DAB1: variants seen among roughly 807,000 people sequenced by gnomAD.
The protein encoded by DAB1 is DAB adaptor protein 1, also known as disabled homolog 1.
A neutral mutation model predicts 64.6 loss-of-function variants in DAB1; 15 were observed. That is an observed-to-expected ratio of 0.23 (90% confidence interval 0.16 to 0.36). The LOEUF (loss-of-function observed/expected upper bound fraction) is 0.36, where lower values mean the gene tolerates loss of function less well. DAB1 is among the 10% of genes least tolerant of loss of function. The pLI, the probability that DAB1 is intolerant of heterozygous loss-of-function variation, is 1.00. For missense variants in DAB1, 596 were observed against 706.7 expected (o/e 0.84, Z 1.78); for synonymous variants, 235 against 251.9 (o/e 0.93, Z 0.64).
At chr1:57,186,130 C>T (rs1663533407) in intron 2 of DAB1, among the ~76,000 whole-genome samples, 1 of 152,132 alleles carries the variant, frequency 6.6e-6, no homozygotes. Flanking sequence ...ATTACGTGTT[C>T]TATGTAAGTT....
intron 6 of DAB1, among the ~76,000 whole-genome samples, chr1:57,730,425 GA>G (rs1275644299): frequency 1.3e-5 from 2 of 152,224 alleles, no homozygotes; most frequent in Non-Finnish European, 2.9e-5. Context: ...TAGAAGGAGA[GA>G]ATCAGAAGAT....
intron 3 of DAB1, among the ~76,000 whole-genome samples, chr1:58,392,402 C>T (rs750426672): frequency 1.3e-5 from 2 of 152,158 alleles, no homozygotes; most frequent in East Asian, 1.9e-4. Flanking sequence ...AGCGGGTTGA[C>T]GTAGTATAAA....
chr1:57,355,729 T>C (rs1046713168), intron 1 of DAB1, among the ~76,000 whole-genome samples: 9 of 152,064 alleles, frequency 5.9e-5, no homozygotes, highest in East Asian at 1.9e-4. Context: ...GTATACTTTA[T>C]TGGGAGTCAT....
At chr1:57,801,837 T>G (rs888182422) in intron 6 of DAB1, among the ~76,000 whole-genome samples, 2 of 152,166 alleles carry the variant, frequency 1.3e-5, no homozygotes, top group East Asian at 3.9e-4. Flanking sequence ...TTTGTATTTT[T>G]GATACAGATG....
intron 1 of DAB1, among the ~76,000 whole-genome samples, chr1:57,830,758 CA>C (rs1285515312): frequency 1.3e-5 from 2 of 152,096 alleles, no homozygotes; most frequent in African/African-American, 4.8e-5. Context: ...ACTGTTTATG[CA>C]GAAAACCTCT....
intron 1 of DAB1, among the ~76,000 whole-genome samples, chr1:57,336,762 C>T (rs1677112115): frequency 6.6e-6 from 1 of 152,194 alleles, no homozygotes; most frequent in African/African-American, 2.4e-5. Context: ...CTGTTGATTA[C>T]AGTAATTGTC....
chr1:57,585,969 A>C (rs1645374787), intron 7 of DAB1, among the ~76,000 whole-genome samples: 1 of 152,130 alleles, frequency 6.6e-6, no homozygotes, highest in Admixed American at 6.5e-5. Flanking sequence ...CTATTTTTTC[A>C]ACTGTGGGAT....
At chr1:57,168,432 A>T (rs77873071) in intron 2 of DAB1, among the ~76,000 whole-genome samples, 4,110 of 152,162 alleles carry the variant, frequency 0.027, 187 homozygotes, top group African/African-American at 0.094. Context: ...TTCCCCTGCA[A>T]ATGCTTTTTG....
intron 1 of DAB1, among the ~76,000 whole-genome samples, chr1:57,330,680 T>C (rs528978566): frequency 3.1e-4 from 47 of 152,252 alleles, no homozygotes; most frequent in Admixed American, 3.3e-4. Context: ...AGGGGTTGTA[T>C]GTCACTCCTC....
chr1:57,852,370 A>G (rs991920415), intron 1 of DAB1, among the ~76,000 whole-genome samples: 4 of 152,162 alleles, frequency 2.6e-5, no homozygotes, highest in African/African-American at 9.7e-5. Context: ...CCTAAGTATG[A>G]AAGTACAAAA....
intron 1 of DAB1, among the ~76,000 whole-genome samples, chr1:58,530,210 G>C (rs1646414080): frequency 1.3e-5 from 2 of 152,134 alleles, no homozygotes; most frequent in Non-Finnish European, 2.9e-5. Context: ...TCAAGGACTT[G>C]AGCATACTCA....
chr1:58,335,076 A>G (rs1663078493), intron 4 of DAB1, among the ~76,000 whole-genome samples: 1 of 152,212 alleles, frequency 6.6e-6, no homozygotes, highest in South Asian at 2.1e-4. Flanking sequence ...AAGCAGGGTA[A>G]GTAAGAGAAT....
intron 7 of DAB1, among the ~76,000 whole-genome samples, chr1:57,502,396 G>A (rs1005711743): frequency 6.6e-6 from 1 of 151,410 alleles, no homozygotes; most frequent in African/African-American, 2.4e-5. Flanking sequence ...ATTTAATCTT[G>A]GCAAAAGAGT....
rs150194672 is a variant in DAB1, at chr1:58,329,380, G to A, written n.309+13972C>T. On this transcript the variant is annotated intron_variant and non_coding_transcript_variant, in intron 4 of 20. Coordinates refer to the DAB1 transcript ENST00000485760. ...TACAACATCATTTCCAGGGCAGATA[G>A]TTCAGATTTTATTGTGTAAATAGTT... Among the ~76,000 whole-genome samples, 575 of 152,268 alleles carry A rather than the reference G, an allele frequency of 3.8e-3. 2 individuals are homozygous for A. The highest frequency in any genetic ancestry group is 8.9e-3 in the African/African-American group (369 of 41,562).
At chr1:57,949,756 T>C (rs549921666) in intron 5 of DAB1, among the ~76,000 whole-genome samples, 85 of 152,328 alleles carry the variant, frequency 5.6e-4, no homozygotes, top group African/African-American at 1.8e-3. Flanking sequence ...AACAGTCTAA[T>C]AATTTTCATC....
At chr1:57,671,120 T>C (rs534201641) in intron 6 of DAB1, among the ~76,000 whole-genome samples, 36 of 152,248 alleles carry the variant, frequency 2.4e-4, no homozygotes, top group African/African-American at 8.7e-4. Flanking sequence ...CTTCAATCCA[T>C]AGTTGCTTAA....
At chr1:57,434,230 A>T (rs1179011649) in intron 7 of DAB1, among the ~76,000 whole-genome samples, 1 of 152,222 alleles carries the variant, frequency 6.6e-6, no homozygotes, top group East Asian at 1.9e-4. Flanking sequence ...ACTGGAAACA[A>T]TCCAAATGTC....
rs1397081245 is a variant in DAB1, at chr1:57,437,045, A to AAG, written n.626-145880_626-145879insCT. ...AGCAAGACTCCGTCTCAAAAAAAAA[A>AAG]AAAAAAAAGAATTTCCTGGCACAGG... On this transcript the variant is annotated intron_variant and non_coding_transcript_variant, in intron 7 of 20. Transcript: ENST00000485760. Among the ~76,000 whole-genome samples, 5 of 151,618 alleles carry AAG rather than the reference A, an allele frequency of 3.3e-5. No homozygotes were observed. The East Asian group carries it at 9.7e-4, about 29-fold the overall frequency.
At chr1:58,201,203 A>C (rs184770265) in intron 4 of DAB1, among the ~76,000 whole-genome samples, 1 of 152,090 alleles carries the variant, frequency 6.6e-6, no homozygotes, top group East Asian at 1.9e-4. Flanking sequence ...TTTTTAGTAG[A>C]GATGGGGTTT....
Sources: allele counts gnomAD v4.1 joint callset (sites outside exome capture counted in the v4.1 genomes callset), GRCh38; gene constraint gnomAD v4.1.1; transcripts MANE v1.5; gene names NCBI Gene and HGNC (gene_info 2026-07-23, HGNC 2026-07-21).